TRHDE: variants seen among roughly 807,000 people sequenced by gnomAD.
The protein encoded by TRHDE is thyrotropin-releasing hormone-degrading ectoenzyme.
TRHDE carries 72 observed loss-of-function variants against 125.7 expected under a neutral mutation model. The ratio of observed to expected loss-of-function variants is 0.57; its 90% CI spans 0.47 to 0.70. The LOEUF is 0.70. TRHDE is among the 30% of genes least tolerant of loss of function. The pLI is 0.00. For synonymous variants in TRHDE, 509 were observed against 509.1 expected, an observed-to-expected ratio of 1.00 and a Z score of 0.00; for missense variants, 1,110 against 1,327.1, an observed-to-expected ratio of 0.84 and a Z score of 2.54.
chr12:72,515,413 T>G lies in TRHDE; in HGVS notation c.1722+15778T>G, dbSNP rs1331559644. On this transcript the variant is annotated intron_variant, in intron 6 of 18. Transcript: ENST00000261180. ...GTGATGGTGAGCATTTTTTCATGTGTTTTTTGGCTGCATAAATGTCTTCTT... is the reference window on the plus strand; with the variant it reads ...GTGATGGTGAGCATTTTTTCATGTGGTTTTTGGCTGCATAAATGTCTTCTT... Among the ~76,000 whole-genome samples the G allele has an allele frequency of 1.9e-4, 29 of 151,358 alleles. No individual in the cohort carries two copies. In the East Asian group the frequency reaches 4.7e-3, roughly 24 times the overall value.
At chr12:72,233,196 T>C (rs1878279831) in intron 2 of TRHDE, among the ~76,000 whole-genome samples, 1 of 152,144 alleles carries the variant, frequency 6.6e-6, no homozygotes, top group South Asian at 2.1e-4. Context: ...CAGGAGTATG[T>C]CCAACTTGGG....
intron 3 of TRHDE, among the ~76,000 whole-genome samples, chr12:72,383,522 A>G (rs952678424): frequency 6.6e-6 from 1 of 151,604 alleles, no homozygotes; most frequent in Non-Finnish European, 1.5e-5. Context: ...GACTATAGGC[A>G]TGTGCCACCA....
intron 7 of TRHDE, among the ~76,000 whole-genome samples, chr12:72,559,531 G>T (rs574276170): frequency 1.3e-5 from 2 of 152,028 alleles, no homozygotes; most frequent in Non-Finnish European, 1.5e-5. Context: ...ATATTATTTG[G>T]TATGTCTCTT....
rs1042585692 is a variant in TRHDE at position 72,108,082 on chromosome 12, G to C, written n.279+2330G>C. 7.2e-5 allele frequency among the ~76,000 whole-genome samples: 11 copies of C among 152,192 alleles called. No homozygotes were observed. The East Asian group carries it at 2.1e-3, about 29-fold the overall frequency. On this transcript the variant is annotated intron_variant and non_coding_transcript_variant, in intron 2 of 4. Coordinates refer to the TRHDE transcript ENST00000548156. Reference sequence around the variant, plus strand: ...AAATGCTAGGGACAGCCAGGAGAAGGCATAGCACTAAAATCCAAACCAGCC... The same window carrying C: ...AAATGCTAGGGACAGCCAGGAGAAGCCATAGCACTAAAATCCAAACCAGCC...
At chr12:72,318,268 T>C (rs2135707167) in intron 2 of TRHDE, among the ~76,000 whole-genome samples, 1 of 152,246 alleles carries the variant, frequency 6.6e-6, no homozygotes, top group South Asian at 2.1e-4. Context: ...GGGTACATTC[T>C]AGATAAAGGT....
chr12:72,161,479 T>C (rs1876636436), intron 2 of TRHDE, among the ~76,000 whole-genome samples: 3 of 151,586 alleles, frequency 2.0e-5, no homozygotes, highest in South Asian at 4.2e-4. Context: ...TTTGGAAGAA[T>C]ATCTGTGATG....
chr12:72,169,516 G>A (rs1448668654), intron 2 of TRHDE, among the ~76,000 whole-genome samples: 1 of 152,072 alleles, frequency 6.6e-6, no homozygotes, highest in Non-Finnish European at 1.5e-5. Flanking sequence ...CTCTGTACCA[G>A]TGTGGAGAGA....
intron 2 of TRHDE, among the ~76,000 whole-genome samples, chr12:72,207,997 G>T (rs750670667): frequency 6.6e-6 from 1 of 152,156 alleles, no homozygotes; most frequent in Non-Finnish European, 1.5e-5. Context: ...TGCTGGTGCC[G>T]TGCTGAGCAT....
At chr12:72,568,537 T>C (rs1167086446) in intron 9 of TRHDE, 31 bp from the exon 10 acceptor site, 6 of 1,530,014 alleles carry the variant, frequency 3.9e-6, no homozygotes, top group African/African-American at 2.8e-5. Context: ...ATAGTTATTT[T>C]TATTCTTAAA....
At chr12:72,327,472 T>A (rs1869392533) in intron 2 of TRHDE, among the ~76,000 whole-genome samples, 1 of 152,154 alleles carries the variant, frequency 6.6e-6, no homozygotes. Context: ...TGTTTGGATT[T>A]GGGGAATCAT....
At chr12:72,647,313 G>A (rs923218576) in intron 15 of TRHDE, among the ~76,000 whole-genome samples, 19 of 151,760 alleles carry the variant, frequency 1.3e-4, no homozygotes, top group African/African-American at 4.4e-4. Context: ...GAAACTTATG[G>A]GATACAGTAA....
At chr12:72,451,108 A>T (rs1875548691) in intron 3 of TRHDE, among the ~76,000 whole-genome samples, 1 of 152,136 alleles carries the variant, frequency 6.6e-6, no homozygotes, top group Admixed American at 6.5e-5. Context: ...TTTGCTGCAT[A>T]GAAGTATTTT....
intron 2 of TRHDE, among the ~76,000 whole-genome samples, chr12:72,372,252 G>T (rs1327892506): frequency 6.6e-6 from 1 of 151,386 alleles, no homozygotes; most frequent in Non-Finnish European, 1.5e-5. Context: ...TTTTTTTCTT[G>T]TAAATTTGTT....
At chr12:72,644,615 T>C (rs1211546913) in intron 15 of TRHDE, among the ~76,000 whole-genome samples, 3 of 152,196 alleles carry the variant, frequency 2.0e-5, no homozygotes, top group Non-Finnish European at 4.4e-5. Flanking sequence ...AGATCTGCCA[T>C]AGTCTAGCTA....
rs771321069 is a variant in TRHDE, at chr12:72,575,519, C to T, written c.2298C>T (p.Ile766=). The part of the protein sequence containing the change: ...VLSVSNRAGL[I]DDAFSLARAG... ...CTGTCAGTAACCGAGCGGGCTTGAT[C>T]GATGATGCCTTCAGCCTAGCCAGGT... is the stretch of plus-strand genomic sequence containing the variant. Residue 766 remains isoleucine, a synonymous_variant, in exon 12 of 19, where the codon ATC becomes ATT. Coordinates refer to ENST00000261180, the MANE Select transcript of TRHDE (RefSeq NM_013381.3). The T allele has an allele frequency of 1.8e-5, 29 of 1,613,528 alleles. No individual in the cohort carries two copies. In the East Asian group the frequency reaches 2.0e-4, roughly 11 times the overall value.
intron 15 of TRHDE, among the ~76,000 whole-genome samples, chr12:72,633,053 GAATT>G (rs1475927965): frequency 2.0e-5 from 3 of 151,932 alleles, no homozygotes; most frequent in African/African-American, 4.8e-5. Flanking sequence ...TATTTCTGCA[GAATT>G]AATAGCAATT....
intron 2 of TRHDE, among the ~76,000 whole-genome samples, chr12:72,311,201 T>C (rs1195430898): frequency 6.6e-6 from 1 of 151,928 alleles, no homozygotes; most frequent in Non-Finnish European, 1.5e-5. Context: ...TGGCAACCAC[T>C]GATTTTTTTT....
rs530975899 is a variant in TRHDE at position 72,247,499 on chromosome 12, C to A, written n.280-130496C>A. Among the ~76,000 whole-genome samples the A allele has an allele frequency of 1.1e-4, 16 of 150,950 alleles. No individual in the cohort carries two copies. In the South Asian group the frequency reaches 2.5e-3, roughly 23 times the overall value. On this transcript the variant is annotated intron_variant and non_coding_transcript_variant, in intron 2 of 4. Transcript: ENST00000548156. ...TCCATCTGTCTGAATATGATGGGTACTCTGAGCCTCAGACTCAGAAATTTT... is the reference window on the plus strand; with the variant it reads ...TCCATCTGTCTGAATATGATGGGTAATCTGAGCCTCAGACTCAGAAATTTT...
chr12:72,648,467 G>A (rs1001341444), intron 15 of TRHDE, among the ~76,000 whole-genome samples: 1 of 152,082 alleles, frequency 6.6e-6, no homozygotes, highest in Admixed American at 6.6e-5. Context: ...TTGTCCGTTT[G>A]TACATGACAT....
Sources: allele counts gnomAD v4.1 joint callset (sites outside exome capture counted in the v4.1 genomes callset), GRCh38; gene constraint gnomAD v4.1.1; transcripts MANE v1.5; gene names NCBI Gene and HGNC (gene_info 2026-07-23, HGNC 2026-07-21).